SYNPO2: variants seen among roughly 807,000 people sequenced by gnomAD.
The protein encoded by SYNPO2 is synaptopodin 2.
A neutral mutation model predicts 85.0 loss-of-function variants in SYNPO2; 56 were observed. The observed-to-expected ratio is 0.66, with a 90% CI of 0.53 to 0.82. SYNPO2 has a LOEUF of 0.82. SYNPO2 is among the 40% of genes least tolerant of loss of function. SYNPO2 has a pLI of 0.00. For synonymous variants in SYNPO2, 602 were observed against 591.1 expected (o/e 1.02, Z -0.27); for missense variants, 1,575 against 1,534.2 (o/e 1.03, Z -0.44).
At position 119,045,733 on chromosome 4, in the gene SYNPO2, A is replaced by G. The variant is rs559101560; in HGVS notation, c.3253-11668A>G. On this transcript the variant is annotated intron_variant, in intron 4 of 4. Coordinates refer to ENST00000307142, the MANE Select transcript of SYNPO2 (RefSeq NM_133477.3). ...ACCAATTAAACTAGACTTTTATGAA[A>G]ATAAACTTAAATAAGGCTGTTCCTC... Among the ~76,000 whole-genome samples, 13 of 152,310 alleles carry G rather than the reference A, an allele frequency of 8.5e-5. No individual in the cohort carries two copies. In the South Asian group the frequency reaches 2.7e-3, roughly 32 times the overall value.
chr4:119,028,288 C>T (rs1738064534), intron 3 of SYNPO2, among the ~76,000 whole-genome samples: 2 of 149,948 alleles, frequency 1.3e-5, no homozygotes, highest in African/African-American at 4.9e-5. Context: ...CAGGCAAAGG[C>T]ACTTGACTGT....
intron 1 of SYNPO2, among the ~76,000 whole-genome samples, chr4:118,937,747 A>G (rs556073167): frequency 5.3e-5 from 8 of 152,232 alleles, no homozygotes. Context: ...GTAAAATACT[A>G]GAGTGCCTGG....
chr4:119,004,474 G>T (rs1327599926), intron 1 of SYNPO2, among the ~76,000 whole-genome samples: 1 of 148,646 alleles, frequency 6.7e-6, no homozygotes, highest in Non-Finnish European at 1.5e-5. Flanking sequence ...AGAACATGCG[G>T]TGTTTGGTTT....
At chr4:118,951,196 C>T (rs946065300) in intron 1 of SYNPO2, among the ~76,000 whole-genome samples, 4 of 152,142 alleles carry the variant, frequency 2.6e-5, no homozygotes, top group Non-Finnish European at 5.9e-5. Flanking sequence ...AAAAATACCA[C>T]GGTTCTGGAG....
At chr4:118,978,670 A>G (rs1356966742) in intron 1 of SYNPO2, among the ~76,000 whole-genome samples, 1 of 152,192 alleles carries the variant, frequency 6.6e-6, no homozygotes, top group African/African-American at 2.4e-5. Flanking sequence ...GTGCCCAATC[A>G]AATCTCCCTG....
rs1424050526 is a variant in SYNPO2 at position 119,035,485 on chromosome 4, A to C, written c.3252+3458A>C. The C allele has an allele frequency of 4.1e-6, 4 of 985,346 alleles. No individual in the cohort carries two copies. The East Asian group carries it at 4.5e-4, about 112-fold the overall frequency. 61.0% of individuals were successfully genotyped at this position (985,346 alleles called of 1,614,324 possible). A position where few individuals can be genotyped will look rare whatever the true frequency, so the allele number is the denominator to read the frequency against. On this transcript the variant is annotated intron_variant, in intron 4 of 4. Coordinates refer to ENST00000307142, the MANE Select transcript of SYNPO2 (RefSeq NM_133477.3). Reference sequence around the variant, plus strand: ...AGTTTCTGCATTGGTAGTGTAAAGCATACCTTGTTAGGAACGTGTTTTGTA... The same window carrying C: ...AGTTTCTGCATTGGTAGTGTAAAGCCTACCTTGTTAGGAACGTGTTTTGTA...
In SYNPO2 at chr4:118,902,537, G is replaced by A. The variant is rs1732793115; in HGVS notation, c.105+13396G>A. Among the ~76,000 whole-genome samples the A allele has an allele frequency of 2.6e-5, 4 of 152,220 alleles. No individual in the cohort carries two copies. In the South Asian group the frequency reaches 8.3e-4, roughly 32 times the overall value. On this transcript the variant is annotated intron_variant, in intron 1 of 4. Transcript: ENST00000307142. ...ATAGTATGAGGGAAACCGCCCCCAT[G>A]ATTTAATTTTCTCCCACTGGGTCCC...
chr4:118,876,624 C>G (rs1731912756), intron 1 of SYNPO2, among the ~76,000 whole-genome samples: 1 of 150,814 alleles, frequency 6.6e-6, no homozygotes, highest in East Asian at 1.9e-4. Context: ...TCCTTCTTTT[C>G]TCTTTTCTTT....
intron 1 of SYNPO2, among the ~76,000 whole-genome samples, chr4:119,022,806 T>C (rs1443409362): frequency 6.7e-6 from 1 of 150,276 alleles, no homozygotes; most frequent in African/African-American, 2.4e-5. Flanking sequence ...AGACAGAGTC[T>C]TGCTCTGTTG....
intron 1 of SYNPO2, among the ~76,000 whole-genome samples, chr4:119,016,107 C>T (rs549985042): frequency 4.1e-4 from 62 of 152,178 alleles, no homozygotes; most frequent in African/African-American, 1.5e-3. Context: ...GTATTTTGAC[C>T]ATTCAAAAGA....
At chr4:119,004,333 G>C (rs1052543446) in intron 1 of SYNPO2, among the ~76,000 whole-genome samples, 1 of 151,494 alleles carries the variant, frequency 6.6e-6, no homozygotes, top group African/African-American at 2.4e-5. Flanking sequence ...CCATTAACTC[G>C]TCATTTAGCA....
chr4:118,868,611 C>T (rs1007055442), intron 1 of SYNPO2, among the ~76,000 whole-genome samples: 2 of 151,914 alleles, frequency 1.3e-5, no homozygotes, highest in Admixed American at 1.3e-4. Context: ...TTAATTATTA[C>T]TAGTATCAAC....
chr4:118,861,409 G>T (rs1344159703), intron 1 of SYNPO2, among the ~76,000 whole-genome samples: 2 of 152,144 alleles, frequency 1.3e-5, no homozygotes, highest in African/African-American at 2.4e-5. Flanking sequence ...CTGACCTTGT[G>T]TTCTGCCGGC....
Position 118,947,798 on chromosome 4 carries a change from T to C in SYNPO2, c.105+58657T>C, listed in dbSNP as rs530907918. On this transcript the variant is annotated intron_variant, in intron 1 of 4. Coordinates refer to ENST00000307142, the MANE Select transcript of SYNPO2 (RefSeq NM_133477.3). ...TGTGTGTGTTTGTGTCTATATAATATGTGTATGTACATATAAGTAATATAT... is the reference window on the plus strand; with the variant it reads ...TGTGTGTGTTTGTGTCTATATAATACGTGTATGTACATATAAGTAATATAT... 2.0e-5 allele frequency among the ~76,000 whole-genome samples: 3 copies of C among 152,342 alleles called. No individual in the cohort carries two copies. In the South Asian group the frequency reaches 6.2e-4, roughly 32 times the overall value.
intron 1 of SYNPO2, among the ~76,000 whole-genome samples, chr4:118,907,214 A>T (rs1035705099): frequency 7.2e-5 from 11 of 152,188 alleles, no homozygotes; most frequent in African/African-American, 2.7e-4. Context: ...TATGTTTTTT[A>T]AAAAACGTCA....
intron 1 of SYNPO2, among the ~76,000 whole-genome samples, chr4:118,935,606 C>T (rs916048548): frequency 5.9e-5 from 9 of 152,218 alleles, no homozygotes; most frequent in South Asian, 2.1e-4. Context: ...ATAAGTTGGC[C>T]GTTGAAAAAT....
intron 1 of SYNPO2, among the ~76,000 whole-genome samples, chr4:118,895,316 A>G (rs897912020): frequency 1.3e-5 from 2 of 152,118 alleles, no homozygotes; most frequent in Non-Finnish European, 2.9e-5. Flanking sequence ...TAGCCCCTCC[A>G]TGGTTGAGGG....
At chr4:118,889,705 A>T (rs1732300332) in intron 1 of SYNPO2, among the ~76,000 whole-genome samples, 1 of 152,250 alleles carries the variant, frequency 6.6e-6, no homozygotes, top group South Asian at 2.1e-4. Flanking sequence ...TAAATGCAAA[A>T]ATCCAATAAA....
intron 1 of SYNPO2, among the ~76,000 whole-genome samples, chr4:119,002,890 G>T (rs895293546): frequency 2.0e-5 from 3 of 151,252 alleles, no homozygotes; most frequent in Non-Finnish European, 4.4e-5. Context: ...TTCCTCTATT[G>T]TATAGGCCCT....
Sources: gnomAD v4.1 joint callset for allele counts (sites outside exome capture counted in the v4.1 genomes callset) on GRCh38, gnomAD v4.1.1 for gene constraint, MANE v1.5 for transcripts, NCBI Gene and HGNC (gene_info 2026-07-23, HGNC 2026-07-21) for gene names.